PLAUR: variants seen among roughly 807,000 people sequenced by gnomAD.
PLAUR encodes the protein urokinase plasminogen activator surface receptor.
PLAUR carries 22 observed loss-of-function variants against 33.4 expected under a neutral mutation model. The ratio of observed to expected loss-of-function variants is 0.66; its 90% CI spans 0.47 to 0.94. The LOEUF is 0.94. Among genes scored for constraint, PLAUR ranks in the 40% least tolerant of loss-of-function variants. The pLI, the probability that PLAUR is intolerant of heterozygous loss-of-function variation, is 0.00. For missense variants in PLAUR, 408 were observed against 434.7 expected (o/e 0.94, Z 0.55); for synonymous variants, 148 against 167.3 (o/e 0.88, Z 0.89).
intron 3 of PLAUR, chr19:43,661,223 A>C (rs1456516628): frequency 6.6e-6 from 1 of 152,100 alleles, no homozygotes; most frequent in African/African-American, 2.4e-5. Flanking sequence ...CCCAAACTCC[A>C]ACCTCCGTCT....
downstream of PLAUR, chr19:43,646,186 T>C: frequency 3.4e-6 from 1 of 293,342 alleles, no homozygotes. Flanking sequence ...AGATCTTCCT[T>C]TCTCACCCTC....
chr19:43,663,739 G>T (rs1020161558), intron 3 of PLAUR, among the ~76,000 whole-genome samples: 9 of 149,218 alleles, frequency 6.0e-5, no homozygotes, highest in Non-Finnish European at 1.2e-4. Context: ...CGAGATCGTG[G>T]CATTGCACTC....
At chr19:43,659,882 T>A (rs1298704110) in intron 3 of PLAUR, among the ~76,000 whole-genome samples, 2 of 152,212 alleles carry the variant, frequency 1.3e-5, no homozygotes, top group African/African-American at 4.8e-5. Context: ...GTTCTATATT[T>A]TCTGTTGGAC....
chr19:43,649,767 A>G (rs1973917238), intron 6 of PLAUR, among the ~76,000 whole-genome samples: 1 of 152,088 alleles, frequency 6.6e-6, no homozygotes, highest in Admixed American at 6.6e-5. Flanking sequence ...AAAGAAAGGA[A>G]GCGAGCAGCG....
At chr19:43,655,301 G>C in intron 5 of PLAUR, 138 bp downstream of exon 5, 2 of 552,346 alleles carry the variant, frequency 3.6e-6, no homozygotes, top group Non-Finnish European at 6.0e-6. Context: ...AAAAAAAAAG[G>C]CCTGATACTC....
intron 3 of PLAUR, 123 bp from the exon 4 acceptor site, chr19:43,656,763 G>T: frequency 1.4e-6 from 1 of 727,198 alleles, no homozygotes; most frequent in Non-Finnish European, 2.2e-6. Context: ...ATTGAGCCCT[G>T]CCTATTCTGC....
At chr19:43,658,189 C>T (rs2356337) in intron 3 of PLAUR, among the ~76,000 whole-genome samples, 2 of 152,196 alleles carry the variant, frequency 1.3e-5, no homozygotes, top group Non-Finnish European at 2.9e-5. Flanking sequence ...GGGCAAGCAG[C>T]AGCCATGTTG....
chr19:43,664,935 C>T (rs1967163422), intron 3 of PLAUR, among the ~76,000 whole-genome samples: 1 of 152,030 alleles, frequency 6.6e-6, no homozygotes, highest in Admixed American at 6.6e-5. Flanking sequence ...TACAAACATG[C>T]AGGATGGGGA....
rs949211076 is a variant in PLAUR at position 43,665,562 on chromosome 19, T to C, written c.167-103A>G. The stretch of plus-strand genomic sequence containing the variant: ...ATCCACTCCCAGGGCTGATCTCTGC[T>C]AGGCCTCTTCTGTTATTTGAGTCGA... On this transcript the variant is annotated intron_variant, in intron 2 of 6. Coordinates refer to ENST00000340093, the MANE Select transcript of PLAUR (RefSeq NM_002659.4). The C allele has an allele frequency of 4.3e-6, 5 of 1,169,780 alleles. No individual in the cohort carries two copies. The African/African-American group carries it at 7.7e-5, about 18-fold the overall frequency. The allele number at this position is 1,169,780 out of a possible 1,614,324, so 72.5% of individuals were successfully genotyped here.
chr19:43,659,167 C>CTTTTTTT (rs3052823), intron 3 of PLAUR, among the ~76,000 whole-genome samples: 51,317 of 97,088 alleles, frequency 0.53, 15,738 homozygotes, highest in East Asian at 0.71. Flanking sequence ...CTTTTCTTTT[C>CTTTTTTT]TTTTTTTTTT....
chr19:43,668,103 C>A lies in PLAUR; in HGVS notation c.56-412G>T, dbSNP rs1041044615. 3 of 1,014,192 alleles carry A rather than the reference C, an allele frequency of 3.0e-6. No individual in the cohort carries two copies. The African/African-American group carries it at 5.2e-5, about 17-fold the overall frequency. The allele number at this position is 1,014,192 out of a possible 1,614,324, so 62.8% of individuals were successfully genotyped here. On this transcript the variant is annotated intron_variant, in intron 1 of 6. Coordinates refer to ENST00000340093, the MANE Select transcript of PLAUR (RefSeq NM_002659.4). ...TCTGCTGGGGACGTTCTAGCCTTGCCCCACCCGCGTCGATCTTTATGTTAT... is the reference window on the plus strand; with the variant it reads ...TCTGCTGGGGACGTTCTAGCCTTGCACCACCCGCGTCGATCTTTATGTTAT...
At chr19:43,648,399 G>A (rs961374949), downstream of PLAUR, among the ~76,000 whole-genome samples, 2 of 152,114 alleles carry the variant, frequency 1.3e-5, no homozygotes, top group African/African-American at 4.8e-5. Context: ...AGATGGCAGT[G>A]CTCCTGCTCT....
downstream of PLAUR, chr19:43,646,099 G>A: frequency 5.7e-6 from 1 of 175,490 alleles, no homozygotes; most frequent in South Asian, 1.1e-4. Flanking sequence ...ACCACATCCA[G>A]CCAATTTTTT....
intron 3 of PLAUR, chr19:43,660,481 T>C (rs1966931110): frequency 6.6e-6 from 1 of 152,040 alleles, no homozygotes; most frequent in Non-Finnish European, 1.5e-5. Context: ...CCTGGTTTTT[T>C]TTTTTTTTAA....
rs1974221058 is a variant in PLAUR, at chr19:43,656,571, C to T, written c.380G>A (p.Cys127Tyr). 1 of 1,612,998 alleles carries T rather than the reference C, an allele frequency of 6.2e-7. No homozygotes were observed. Among genetic ancestry groups the T allele is most frequent in the African/African-American group, 1.3e-5 (1 of 74,874 alleles). ...CISCGSSDMS[C>Y]ERGRHQSLQC... ...CAGGCTCTGGTGCCGGCCCCTCTCACAGCTCATGTCTGATGAGCCACAGGA... is the reference window on the plus strand; with the variant it reads ...CAGGCTCTGGTGCCGGCCCCTCTCATAGCTCATGTCTGATGAGCCACAGGA... The change falls in exon 4 of 7, where the codon TGT becomes TAT. Residue 127 changes from cysteine to tyrosine, a missense_variant. Cys to Tyr is a radical substitution (Grantham distance 194, BLOSUM62 -2). Transcript: ENST00000340093.
chr19:43,662,846 C>A (rs1478853077), intron 3 of PLAUR, among the ~76,000 whole-genome samples: 1 of 152,130 alleles, frequency 6.6e-6, no homozygotes. Context: ...TCCCAAGGAG[C>A]TGGGATCACA....
At chr19:43,655,276 C>CAA (rs34689348) in intron 5 of PLAUR, among the ~76,000 whole-genome samples, 163 bp downstream of exon 5, 1,312 of 62,338 alleles carry the variant, frequency 0.021, 34 homozygotes, top group African/African-American at 0.047. Context: ...GACTCCGTCT[C>CAA]AAAAAAAAAA....
intron 3 of PLAUR, 99 bp downstream of exon 3, chr19:43,665,217 G>GT: frequency 8.0e-7 from 1 of 1,247,590 alleles, no homozygotes; most frequent in South Asian, 1.2e-5. Flanking sequence ...CATGGAGTTG[G>GT]GGTTCAGCTG....
At chr19:43,656,743 G>A (rs1974231563) in intron 3 of PLAUR, 103 bp from the exon 4 acceptor site, 1 of 939,168 alleles carries the variant, frequency 1.1e-6, no homozygotes, top group Non-Finnish European at 1.6e-6. Context: ...ATCCCACCCT[G>A]CAGCCAGTCA....
Sources: gnomAD v4.1 joint callset for allele counts (sites outside exome capture counted in the v4.1 genomes callset) on GRCh38, gnomAD v4.1.1 for gene constraint, MANE v1.5 for transcripts, NCBI Gene and HGNC (gene_info 2026-07-23, HGNC 2026-07-21) for gene names.